The following AOX1 variants were observed in gnomAD, a reference collection of about 807,000 sequenced individuals.
The protein encoded by AOX1 is aldehyde oxidase 1, also known as aldehyde oxidase.
A neutral mutation model predicts 169.5 loss-of-function variants in AOX1; 153 were observed. The observed-to-expected ratio is 0.90, with a 90% CI of 0.79 to 1.03. The LOEUF (loss-of-function observed/expected upper bound fraction) is 1.03. AOX1 is among the 50% of genes least tolerant of loss of function. The probability of loss-of-function intolerance (pLI) is 0.00; values close to 1 mark genes in which losing one functional copy is unlikely to be tolerated. For missense variants in AOX1, 1,656 were observed against 1,663.9 expected, an observed-to-expected ratio of 1.00 and a Z score of 0.08; for synonymous variants, 562 against 581.9, an observed-to-expected ratio of 0.97 and a Z score of 0.49.
At chr2:200,656,633 C>A (rs2035691136) in intron 26 of AOX1, among the ~76,000 whole-genome samples, 1 of 152,128 alleles carries the variant, frequency 6.6e-6, no homozygotes, top group African/African-American at 2.4e-5. Flanking sequence ...TTCACCCTCT[C>A]CCTCTACCTG....
chr2:200,651,166 T>A lies in AOX1; in HGVS notation c.3040T>A (p.Phe1014Ile). ...AGGACTGGCCATGGTCCCCCTGAAG[T>A]TTCCTGTTGGCCTTGGCTCACGTGC... ...KKGLAMVPLK[F>I]PVGLGSRAAG... The change falls in exon 26 of 35, where the codon TTT (phenylalanine) becomes ATT (isoleucine). Residue 1014 changes from phenylalanine to isoleucine, a missense_variant. Transcript: ENST00000374700. 1 of 1,614,164 alleles carries A rather than the reference T, an allele frequency of 6.2e-7. No homozygotes were observed. Among genetic ancestry groups the A allele is most frequent in the Non-Finnish European group, 8.5e-7 (1 of 1,180,030 alleles).
At chr2:200,662,073 A>G (rs191653109) in intron 30 of AOX1, among the ~76,000 whole-genome samples, 3 of 152,354 alleles carry the variant, frequency 2.0e-5, no homozygotes, top group Non-Finnish European at 4.4e-5. Flanking sequence ...TGTTACATTA[A>G]GATGTGAAAC....
chr2:200,681,420 A>G (rs1157722948), downstream of AOX1: 1 of 152,710 alleles, frequency 6.5e-6, no homozygotes, highest in Non-Finnish European at 1.5e-5. Context: ...GGAAATGGTG[A>G]TGACCATCTA....
At chr2:200,644,642 G>A (rs796549517) in intron 25 of AOX1, among the ~76,000 whole-genome samples, 2 of 152,302 alleles carry the variant, frequency 1.3e-5, no homozygotes, top group African/African-American at 4.8e-5. Flanking sequence ...GCTTTTGGCA[G>A]TATAGCCATT....
intron 12 of AOX1, among the ~76,000 whole-genome samples, chr2:200,611,099 C>A (rs934987994): frequency 6.6e-6 from 1 of 152,220 alleles, no homozygotes; most frequent in African/African-American, 2.4e-5. Flanking sequence ...AAATGATCCA[C>A]CTGCCTTGGC....
At chr2:200,644,082 T>C (rs2035406266) in intron 25 of AOX1, among the ~76,000 whole-genome samples, 1 of 152,238 alleles carries the variant, frequency 6.6e-6, no homozygotes, top group African/African-American at 2.4e-5. Context: ...CTCCCAGCTA[T>C]TTATCTTTGT....
At chr2:200,672,972 C>T (rs1468100927), downstream of AOX1, among the ~76,000 whole-genome samples, 1 of 152,208 alleles carries the variant, frequency 6.6e-6, no homozygotes. Flanking sequence ...CATGTAGAAC[C>T]TGGAGGCCGC....
At chr2:200,617,891 A>G (rs1574925959) in intron 16 of AOX1, among the ~76,000 whole-genome samples, 1 of 152,194 alleles carries the variant, frequency 6.6e-6, no homozygotes. Flanking sequence ...GCAACATATG[A>G]AAAACCACAC....
chr2:200,661,843 G>A (rs1574961733), intron 30 of AOX1, among the ~76,000 whole-genome samples: 1 of 150,934 alleles, frequency 6.6e-6, no homozygotes, highest in East Asian at 1.9e-4. Context: ...AGGAAAAATA[G>A]GCACACAAAA....
At chr2:200,672,561 A>G (rs937251915), downstream of AOX1, among the ~76,000 whole-genome samples, 1 of 152,240 alleles carries the variant, frequency 6.6e-6, no homozygotes, top group African/African-American at 2.4e-5. Context: ...CAGGCACTGT[A>G]CTAGGCACTT....
chr2:200,616,943 G>A (rs1297916542), intron 16 of AOX1, among the ~76,000 whole-genome samples: 2 of 152,152 alleles, frequency 1.3e-5, no homozygotes, highest in African/African-American at 4.8e-5. Context: ...AAATTAAAAT[G>A]CACCAAACTC....
At chr2:200,680,896 T>C (rs1029095900), downstream of AOX1, among the ~76,000 whole-genome samples, 3 of 152,032 alleles carry the variant, frequency 2.0e-5, no homozygotes, top group South Asian at 6.2e-4. Context: ...GAAGATACAT[T>C]AGTAAAAATG....
intron 4 of AOX1, among the ~76,000 whole-genome samples, chr2:200,598,655 T>G (rs56825316): frequency 0.38 from 57,683 of 150,834 alleles, 11,662 homozygotes; most frequent in Middle Eastern, 0.47. Flanking sequence ...GAAGCAGGAA[T>G]AATCACTTGA....
chr2:200,674,643 A>G (rs766079722), downstream of AOX1, among the ~76,000 whole-genome samples: 3 of 152,190 alleles, frequency 2.0e-5, no homozygotes, highest in African/African-American at 4.8e-5. Context: ...TGCTCACCCA[A>G]TGGTGTCAGG....
At chr2:200,637,699 G>A (rs192460060) in intron 22 of AOX1, among the ~76,000 whole-genome samples, 5 of 151,862 alleles carry the variant, frequency 3.3e-5, no homozygotes, top group Admixed American at 6.6e-5. Context: ...CATTTGTATC[G>A]CCATTTTCCT....
At chr2:200,587,486 T>G (rs2034063273) in intron 1 of AOX1, among the ~76,000 whole-genome samples, 1 of 152,198 alleles carries the variant, frequency 6.6e-6, no homozygotes, top group South Asian at 2.1e-4. Flanking sequence ...GCCCTAGTTG[T>G]GAGGCCTGTT....
chr2:200,593,239 G>A (rs961040118), intron 2 of AOX1, 36 bp downstream of exon 2: 2 of 1,534,108 alleles, frequency 1.3e-6, no homozygotes, highest in South Asian at 2.2e-5. Flanking sequence ...GTATGTGTGT[G>A]TGTATTTGTA....
chr2:200,587,894 G>C (rs930938658), intron 1 of AOX1, among the ~76,000 whole-genome samples: 15 of 152,162 alleles, frequency 9.9e-5, no homozygotes, highest in African/African-American at 3.6e-4. Context: ...ACTTCATAAA[G>C]AGTGATCATG....
intron 23 of AOX1, among the ~76,000 whole-genome samples, chr2:200,638,789 T>C (rs1175605819): frequency 6.6e-6 from 1 of 152,244 alleles, no homozygotes; most frequent in African/African-American, 2.4e-5. Context: ...AGTGATTCTT[T>C]TGCTTTATAA....
Sources: allele counts gnomAD v4.1 joint callset (sites outside exome capture counted in the v4.1 genomes callset), GRCh38; gene constraint gnomAD v4.1.1; transcripts MANE v1.5; gene names NCBI Gene and HGNC (gene_info 2026-07-23, HGNC 2026-07-21).